The following RIF1 variants were observed in gnomAD, a reference collection of about 807,000 sequenced individuals.
RIF1 encodes the protein telomere-associated protein RIF1.
A neutral mutation model predicts 247.1 loss-of-function variants in RIF1; 45 were observed. That is an observed-to-expected ratio of 0.18 (90% CI 0.14 to 0.23). The LOEUF is 0.23. Ranked by LOEUF, RIF1 falls within the 10% of genes least tolerant of loss-of-function variation. RIF1 has a pLI of 1.00. For synonymous variants in RIF1, 1,087 were observed against 978.8 expected (o/e 1.11, Z -2.06); for missense variants, 2,967 against 2,862.5 (o/e 1.04, Z -0.83).
chr2:151,493,795 T>A, intron 9 of RIF1: 1 of 1,582,086 alleles, frequency 6.3e-7, no homozygotes. Flanking sequence ...TTTTCTTGAT[T>A]GCGTTTCACT....
Position 151,409,928 on chromosome 2 carries a change from C to G in RIF1, c.-116C>G, listed in dbSNP as rs1250803729. On this transcript the variant is annotated 5_prime_UTR_variant, in exon 1 of 36. Coordinates refer to ENST00000444746, the MANE Select transcript of RIF1 (RefSeq NM_018151.5). Reference sequence around the variant, plus strand: ...GCCGCCATCTTGGTCTAGGAGGGAGCGCGCCGCACGCGTGAGTAAACAGCC... The same window carrying G: ...GCCGCCATCTTGGTCTAGGAGGGAGGGCGCCGCACGCGTGAGTAAACAGCC... 2 of 700,000 alleles carry G rather than the reference C, an allele frequency of 2.9e-6. No individual in the cohort carries two copies. Among genetic ancestry groups the G allele is most frequent in the African/African-American group, 1.7e-5 (1 of 57,200 alleles). 43.4% of individuals were successfully genotyped at this position (700,000 alleles called of 1,614,324 possible). A position where few individuals can be genotyped will look rare whatever the true frequency, so the allele number is the denominator to read the frequency against.
rs1453601986 is a variant in RIF1 at position 151,464,850 on chromosome 2, C to A, written c.5330C>A (p.Ser1777Tyr). The A allele has an allele frequency of 6.2e-7, 1 of 1,607,528 alleles. No individual in the cohort carries two copies. Among genetic ancestry groups the A allele is most frequent in the African/African-American group, 1.3e-5 (1 of 74,420 alleles). ...VQAPVSPSET[S>Y]QANPYSEGQF... ...GCACCTGTAAGCCCATCAGAAACTT[C>A]TCAAGCTAATCCATATTCTGAAGGA... The change falls in exon 30 of 36, where the codon TCT (serine) becomes TAT (tyrosine). Residue 1777 changes from serine (S) to tyrosine (Y), a missense_variant. By Grantham distance (144) the Ser-to-Tyr change is moderately radical. Transcript: ENST00000444746.
chr2:151,425,803 A>C (rs1197986386), intron 8 of RIF1, among the ~76,000 whole-genome samples: 1 of 150,468 alleles, frequency 6.6e-6, no homozygotes, highest in Admixed American at 6.7e-5. Context: ...AGTAGCTGGG[A>C]TTACAGGCGC....
At chr2:151,526,992 T>C in the RIF1 span, 3 of 1,602,504 alleles carry the variant, frequency 1.9e-6, no homozygotes, top group Non-Finnish European at 2.6e-6. Flanking sequence ...TTGCAACCCT[T>C]GAGGAACTCC....
chr2:151,497,158 T>C (rs1251988442), intron 10 of RIF1: 11 of 1,323,990 alleles, frequency 8.3e-6, no homozygotes, highest in South Asian at 2.8e-5. Context: ...CCAGAAGTTA[T>C]ATGCTGACAA....
At chr2:151,462,850 G>C (rs1445550914) in intron 29 of RIF1, 34 bp from the exon 30 acceptor site, 2 of 1,439,242 alleles carry the variant, frequency 1.4e-6, no homozygotes, top group South Asian at 1.3e-5. Flanking sequence ...TTATTAATCT[G>C]TGTGTGTATA....
intron 9 of RIF1, chr2:151,492,047 T>C: frequency 6.4e-7 from 1 of 1,566,568 alleles, no homozygotes; most frequent in Non-Finnish European, 8.8e-7. Context: ...CTTTTGTTCT[T>C]CTACCCCCTC....
intron 18 of RIF1, 59 bp downstream of exon 18, chr2:151,443,768 G>T: frequency 9.5e-7 from 1 of 1,048,610 alleles, no homozygotes; most frequent in Non-Finnish European, 1.3e-6. Context: ...TGTTAGTGCA[G>T]TTGGGGAAAT....
At chr2:151,506,222 T>C in exon 13 of RIF1, 1 of 1,613,782 alleles carries the variant, frequency 6.2e-7, no homozygotes, top group South Asian at 1.1e-5. Context: ...GTCTTTCCGA[T>C]AGCCGTTCCT....
intron 10 of RIF1, chr2:151,497,819 G>A (rs1182057354): frequency 2.0e-6 from 3 of 1,533,460 alleles, no homozygotes; most frequent in Non-Finnish European, 1.8e-6. Flanking sequence ...CAAGGAGCCA[G>A]AAGTTATATG....
chr2:151,455,932 C>T (rs1186957469), intron 22 of RIF1, among the ~76,000 whole-genome samples: 2 of 152,302 alleles, frequency 1.3e-5, no homozygotes, highest in Non-Finnish European at 2.9e-5. Context: ...TGTTCTCCCT[C>T]ATAACAATTG....
In RIF1 at chr2:151,464,278, AGAG is replaced by A. The variant is rs1276309805; in HGVS notation, c.4759_4761del (p.Glu1587del). On this transcript the variant is annotated inframe_deletion, in exon 30 of 36. Coordinates refer to ENST00000444746, the MANE Select transcript of RIF1 (RefSeq NM_018151.5). ...AAAGTGTTGACATTCAAGATCAAGAAGAGAAAGTGGTGAAACAGGAATGTATAA... is the reference window on the plus strand; with the variant it reads ...AAAGTGTTGACATTCAAGATCAAGAAAAAGTGGTGAAACAGGAATGTATAA... The A allele has an allele frequency of 1.2e-6, 2 of 1,613,758 alleles. No homozygotes were observed. The highest frequency in any genetic ancestry group is 2.7e-5 in the African/African-American group (2 of 74,918).
chr2:151,485,102 G>A (rs1361557813), downstream of RIF1, among the ~76,000 whole-genome samples: 10 of 152,158 alleles, frequency 6.6e-5, no homozygotes, highest in Non-Finnish European at 1.5e-4. Flanking sequence ...GGATACAGAT[G>A]GGAAAGATGC....
chr2:151,532,559 A>G, the RIF1 span, among the ~76,000 whole-genome samples: 1 of 152,076 alleles, frequency 6.6e-6, no homozygotes, highest in Admixed American at 6.5e-5. Context: ...AGCACCATAA[A>G]ATTTCATGCA....
At chr2:151,526,548 G>A in the RIF1 span, among the ~76,000 whole-genome samples, 7,174 of 152,154 alleles carry the variant, frequency 0.047, 271 homozygotes, top group East Asian at 0.19. Flanking sequence ...AGCCCTCCAT[G>A]AGCCCATTAT....
In RIF1 at chr2:151,476,261, G is replaced by A. The variant is rs538573747; in HGVS notation, c.*1190G>A. ...AAACCTTCATTTAAAAGCAAACTTG[G>A]AAGAAATTTGAAACTGATGTTTTTA... On this transcript the variant is annotated 3_prime_UTR_variant, in exon 36 of 36. Coordinates refer to ENST00000444746, the MANE Select transcript of RIF1 (RefSeq NM_018151.5). 2.6e-5 allele frequency: 4 copies of A among 152,262 alleles called. No individual in the cohort carries two copies. The highest frequency in any genetic ancestry group is 2.6e-4 in the Admixed American group (4 of 15,294). 9.4% of individuals were successfully genotyped at this position (152,262 alleles called of 1,614,324 possible). A position where few individuals can be genotyped will look rare whatever the true frequency, so the allele number is the denominator to read the frequency against.
At chr2:151,531,042 G>A in the RIF1 span, 1 of 1,613,560 alleles carries the variant, frequency 6.2e-7, no homozygotes, top group East Asian at 2.2e-5. Flanking sequence ...ACATGGGTGT[G>A]TCGTGGATTG....
chr2:151,426,229 C>CAGTGAA (rs2152259960), intron 8 of RIF1, among the ~76,000 whole-genome samples: 1 of 121,056 alleles, frequency 8.3e-6, no homozygotes, highest in African/African-American at 3.2e-5. Context: ...GGCTGGAGTG[C>CAGTGAA]AGTGGCGTGA....
At chr2:151,446,399 A>G in intron 19 of RIF1, 27 bp from the exon 20 acceptor site, 4 of 1,607,542 alleles carry the variant, frequency 2.5e-6, no homozygotes, top group Non-Finnish European at 3.4e-6. Context: ...ATATTAACAA[A>G]ACTTCTTTTT....
Sources: gnomAD v4.1 joint callset for allele counts (sites outside exome capture counted in the v4.1 genomes callset) on GRCh38, gnomAD v4.1.1 for gene constraint, MANE v1.5 for transcripts, NCBI Gene and HGNC (gene_info 2026-07-23, HGNC 2026-07-21) for gene names.